PACRG: variants seen among roughly 807,000 people sequenced by gnomAD.
PACRG encodes the protein parkin coregulated, also known as parkin coregulated gene protein.
PACRG carries 29 observed loss-of-function variants against 29.7 expected under a neutral mutation model. The observed-to-expected ratio is 0.98, with a 90% CI of 0.73 to 1.33. The LOEUF (loss-of-function observed/expected upper bound fraction) is 1.33, where lower values mean the gene tolerates loss of function less well. Among genes scored for constraint, PACRG ranks in the 40% most tolerant of loss-of-function variants. The pLI is 0.00. For synonymous variants in PACRG, 116 were observed against 118.7 expected (o/e 0.98, Z 0.15); for missense variants, 279 against 316.2 (o/e 0.88, Z 0.89).
intron 1 of PACRG, among the ~76,000 whole-genome samples, chr6:162,810,919 G>A (rs967346207): frequency 6.6e-6 from 1 of 152,140 alleles, no homozygotes; most frequent in Admixed American, 6.5e-5. Flanking sequence ...CAAGAGACAT[G>A]AACCTACAGA....
At chr6:162,942,186 A>G (rs1401591742) in intron 2 of PACRG, among the ~76,000 whole-genome samples, 1 of 152,238 alleles carries the variant, frequency 6.6e-6, no homozygotes, top group Non-Finnish European at 1.5e-5. Context: ...CATGATCAAA[A>G]TCTTAGGCAA....
intron 2 of PACRG, among the ~76,000 whole-genome samples, chr6:162,961,423 C>A (rs1224748662): frequency 6.6e-6 from 1 of 152,224 alleles, no homozygotes; most frequent in African/African-American, 2.4e-5. Context: ...TTTCTACTAT[C>A]ATGTGTCTAT....
At position 162,971,492 on chromosome 6, in the gene PACRG, G is replaced by T. The variant is rs138336239; in HGVS notation, c.292-90658G>T. 2.2e-4 allele frequency among the ~76,000 whole-genome samples: 34 copies of T among 152,142 alleles called. No individual in the cohort carries two copies. The East Asian group carries it at 6.0e-3, about 27-fold the overall frequency. On this transcript the variant is annotated intron_variant, in intron 2 of 4. Coordinates refer to ENST00000366888, the MANE Select transcript of PACRG (RefSeq NM_001080379.2). ...AAACCAGTCAGTGTCTGAACACAAA[G>T]AATTTATCTACAACATAAAACAAAA... is the stretch of plus-strand genomic sequence containing the variant.
At chr6:163,143,209 C>T (rs547798744) in intron 4 of PACRG, among the ~76,000 whole-genome samples, 1 of 151,938 alleles carries the variant, frequency 6.6e-6, no homozygotes, top group Admixed American at 6.6e-5. Flanking sequence ...TAATACTATT[C>T]CATAATAAAA....
At chr6:162,851,460 C>G (rs1790854064) in intron 2 of PACRG, among the ~76,000 whole-genome samples, 1 of 152,160 alleles carries the variant, frequency 6.6e-6, no homozygotes, top group African/African-American at 2.4e-5. Context: ...ATCTAAAATG[C>G]ATGTTTATCA....
chr6:162,859,374 T>C (rs540343002), intron 2 of PACRG, among the ~76,000 whole-genome samples: 2 of 152,340 alleles, frequency 1.3e-5, no homozygotes, highest in South Asian at 4.1e-4. Flanking sequence ...TTTTAACTTA[T>C]TTGGTTTCTA....
chr6:162,863,467 T>G (rs1274501259), intron 2 of PACRG, among the ~76,000 whole-genome samples: 2 of 152,204 alleles, frequency 1.3e-5, no homozygotes, highest in East Asian at 3.9e-4. Flanking sequence ...AATGCATCTA[T>G]TTTTTCTTCC....
At chr6:163,293,844 T>C (rs1784696118) in intron 4 of PACRG, among the ~76,000 whole-genome samples, 1 of 152,142 alleles carries the variant, frequency 6.6e-6, no homozygotes, top group African/African-American at 2.4e-5. Flanking sequence ...TATGTTTTTC[T>C]CATCATAAAT....
intron 4 of PACRG, among the ~76,000 whole-genome samples, chr6:163,114,118 TG>T (rs1815854826): frequency 6.6e-6 from 1 of 152,116 alleles, no homozygotes; most frequent in Non-Finnish European, 1.5e-5. Flanking sequence ...GGCATGGTGG[TG>T]CGCCCCTGTA....
chr6:162,917,471 G>A (rs1412131361), intron 2 of PACRG, among the ~76,000 whole-genome samples: 1 of 152,146 alleles, frequency 6.6e-6, no homozygotes. Context: ...GTTCAGTAGG[G>A]TCAGCACTCT....
intron 4 of PACRG, among the ~76,000 whole-genome samples, chr6:163,176,623 G>C (rs562271380): frequency 1.3e-5 from 2 of 152,340 alleles, no homozygotes; most frequent in Admixed American, 1.3e-4. Context: ...AGAGACTGCA[G>C]TCAAGTTTGC....
chr6:163,252,292 G>A (rs1363749583), intron 4 of PACRG, among the ~76,000 whole-genome samples: 2 of 152,244 alleles, frequency 1.3e-5, no homozygotes, highest in African/African-American at 2.4e-5. Context: ...TCGGCCAGGC[G>A]CCGGCCTTCG....
chr6:163,077,306 A>G (rs376387289), intron 3 of PACRG, among the ~76,000 whole-genome samples: 22 of 152,308 alleles, frequency 1.4e-4, no homozygotes, highest in East Asian at 7.7e-4. Flanking sequence ...CTGGTTGCCA[A>G]AGAATTATGG....
At chr6:163,258,294 A>G (rs891911817) in intron 4 of PACRG, among the ~76,000 whole-genome samples, 7 of 152,198 alleles carry the variant, frequency 4.6e-5, no homozygotes, top group African/African-American at 7.2e-5. Context: ...TTAACATTGT[A>G]TACCTTTTTA....
At chr6:162,761,801 G>C (rs1423558120) in intron 1 of PACRG, among the ~76,000 whole-genome samples, 1 of 151,914 alleles carries the variant, frequency 6.6e-6, no homozygotes, top group African/African-American at 2.4e-5. Flanking sequence ...GCTGGGCATG[G>C]TGGTTCACGC....
At chr6:163,299,219 G>T (rs2128189468) in intron 4 of PACRG, among the ~76,000 whole-genome samples, 1 of 152,292 alleles carries the variant, frequency 6.6e-6, no homozygotes, top group Middle Eastern at 3.4e-3. Flanking sequence ...GTCCCACCTT[G>T]GATTTATTGC....
intron 1 of PACRG, among the ~76,000 whole-genome samples, chr6:162,794,344 G>T (rs1217572971): frequency 6.6e-6 from 1 of 151,912 alleles, no homozygotes; most frequent in Non-Finnish European, 1.5e-5. Flanking sequence ...AATATGTTTT[G>T]AATACTAATT....
intron 2 of PACRG, among the ~76,000 whole-genome samples, chr6:162,839,866 CTTGT>C (rs1457609816): frequency 1.4e-5 from 2 of 147,282 alleles, no homozygotes; most frequent in Non-Finnish European, 3.0e-5. Flanking sequence ...TTCCCCATTG[CTTGT>C]TTTTCTCAGG....
intron 2 of PACRG, among the ~76,000 whole-genome samples, chr6:163,019,653 T>G (rs149742241): frequency 5.3e-5 from 8 of 152,308 alleles, no homozygotes; most frequent in African/African-American, 1.9e-4. Context: ...CTAGCACCGT[T>G]GCTGTGGTCA....
Sources: gnomAD v4.1 joint callset for allele counts (sites outside exome capture counted in the v4.1 genomes callset) on GRCh38, gnomAD v4.1.1 for gene constraint, MANE v1.5 for transcripts, NCBI Gene and HGNC (gene_info 2026-07-23, HGNC 2026-07-21) for gene names.